Variants in NCAPH observed in about 807,000 individuals in gnomAD.
The protein encoded by NCAPH is non-SMC condensin I complex subunit H, also known as condensin complex subunit 2.
A neutral mutation model predicts 85.5 loss-of-function variants in NCAPH; 38 were observed. The observed-to-expected ratio is 0.44, with a 90% CI of 0.34 to 0.58. The LOEUF is 0.58. Among genes scored for constraint, NCAPH ranks in the 20% least tolerant of loss-of-function variants. NCAPH has a pLI of 0.01. For missense variants in NCAPH, 789 were observed against 916.6 expected (o/e 0.86, Z 1.80); for synonymous variants, 301 against 335.1 (o/e 0.90, Z 1.11).
intron 6 of NCAPH, among the ~76,000 whole-genome samples, chr2:96,344,471 T>C (rs1260333564): frequency 6.6e-6 from 1 of 152,232 alleles, no homozygotes; most frequent in Non-Finnish European, 1.5e-5. Flanking sequence ...ATCTAATTGA[T>C]AAAAAATTAA....
At chr2:96,361,773 TATATATATAC>T (rs2064617409) in intron 12 of NCAPH, among the ~76,000 whole-genome samples, 2 of 140,166 alleles carry the variant, frequency 1.4e-5, no homozygotes, top group Non-Finnish European at 3.1e-5. Flanking sequence ...TATATACATA[TATATATATAC>T]ACATATATAT....
Position 96,343,451 on chromosome 2 carries a change from C to T in NCAPH, c.595+147C>T, listed in dbSNP as rs117164497. The T allele has an allele frequency of 8.2e-3, 7,276 of 887,704 alleles. 75 individuals are homozygous for T. Among genetic ancestry groups the T allele is most frequent in the East Asian group, 0.049 (1,641 of 33,334 alleles). 55.0% of individuals were successfully genotyped at this position (887,704 alleles called of 1,614,324 possible). Reference sequence around the variant, plus strand: ...ATTTTTAGAACCATATATGGTCTTACGTGAGAAGATACTCAAACACTAAAA... The same window carrying T: ...ATTTTTAGAACCATATATGGTCTTATGTGAGAAGATACTCAAACACTAAAA... On this transcript the variant is annotated intron_variant, in intron 5 of 17. Coordinates refer to ENST00000240423, the MANE Select transcript of NCAPH (RefSeq NM_015341.5).
At position 96,364,564 on chromosome 2, in the gene NCAPH, C is replaced by A; in HGVS notation, c.1671C>A (p.Asp557Glu). 6.2e-7 allele frequency: 1 copy of A among 1,613,144 alleles called. No individual in the cohort carries two copies. The highest frequency in any genetic ancestry group is 8.5e-7 in the Non-Finnish European group (1 of 1,179,086). Residue 557 changes from aspartate (D) to glutamate (E), a missense_variant, in exon 13 of 18, where the codon GAC becomes GAA. Transcript: ENST00000240423. ...IEDYDYNNPNDTSNFCPGLQA... is the reference protein window; with the variant it reads ...IEDYDYNNPNETSNFCPGLQA... The stretch of plus-strand genomic sequence containing the variant: ...ACTATGATTACAACAACCCTAACGA[C>A]ACCTCCAACTTTTGCCCTGGATTAC...
Position 96,359,186 on chromosome 2 carries a change from A to G in NCAPH, c.1350A>G (p.Arg450=). 6.2e-7 allele frequency: 1 copy of G among 1,613,986 alleles called. No homozygotes were observed. The highest frequency in any genetic ancestry group is 1.1e-5 in the South Asian group (1 of 91,044). Residue 450 remains arginine, a synonymous_variant, in exon 10 of 18, where the codon CGA becomes CGG. Coordinates refer to ENST00000240423, the MANE Select transcript of NCAPH (RefSeq NM_015341.5). ...AGPDHWRFRP[R]RKQDAPSQSE... Reference sequence around the variant, plus strand: ...CGGATCACTGGCGCTTTAGGCCTCGACGCAAACGTATGTAATTCTAGGTGG... The same window carrying G: ...CGGATCACTGGCGCTTTAGGCCTCGGCGCAAACGTATGTAATTCTAGGTGG...
In NCAPH at chr2:96,339,578, A is replaced by C. The variant is rs564078469; in HGVS notation, c.20-2064A>C. 2.6e-3 allele frequency among the ~76,000 whole-genome samples: 392 copies of C among 151,112 alleles called. 1 individual carries two copies. The highest frequency in any genetic ancestry group is 4.4e-3 in the Non-Finnish European group (296 of 67,680). ...TGCACTCCAGCCTGGGGGACAAAGC[A>C]AGACTCTGTCTCAAAAAAAAAAAAA... On this transcript the variant is annotated intron_variant, in intron 1 of 17. Transcript: ENST00000240423.
intron 13 of NCAPH, among the ~76,000 whole-genome samples, chr2:96,364,921 C>T (rs370077979): frequency 6.6e-6 from 1 of 152,154 alleles, no homozygotes; most frequent in Non-Finnish European, 1.5e-5. Context: ...AATATAAACA[C>T]TTTGTCCTCT....
In NCAPH at chr2:96,343,250, G is replaced by C; in HGVS notation, c.541G>C (p.Gly181Arg). ...AVHADVYRVL[G>R]GLGKDAPSLE... Reference sequence around the variant, plus strand: ...CCATGCCGATGTATACAGAGTCCTTGGGGGGCTGGGCAAAGATGCACCGTC... The same window carrying C: ...CCATGCCGATGTATACAGAGTCCTTCGGGGGCTGGGCAAAGATGCACCGTC... The change falls in exon 5 of 18, where the codon GGG becomes CGG. Residue 181 changes from glycine to arginine, a missense_variant. Coordinates refer to ENST00000240423, the MANE Select transcript of NCAPH (RefSeq NM_015341.5). 1 of 1,613,798 alleles carries C rather than the reference G, an allele frequency of 6.2e-7. No individual in the cohort carries two copies. Among genetic ancestry groups the C allele is most frequent in the Non-Finnish European group, 8.5e-7 (1 of 1,179,798 alleles).
intron 1 of NCAPH, among the ~76,000 whole-genome samples, chr2:96,336,114 G>A (rs2064210480): frequency 6.6e-6 from 1 of 151,954 alleles, no homozygotes; most frequent in Non-Finnish European, 1.5e-5. Context: ...TCAGTTCCCG[G>A]GCGGGCGGTG....
At position 96,365,951 on chromosome 2, in the gene NCAPH, C is replaced by A; in HGVS notation, c.1774C>A (p.Pro592Thr). 1.2e-6 allele frequency: 2 copies of A among 1,614,182 alleles called. No individual in the cohort carries two copies. Among genetic ancestry groups the A allele is most frequent in the Non-Finnish European group, 1.7e-6 (2 of 1,180,030 alleles). The change falls in exon 14 of 18, where the codon CCT becomes ACT. Residue 592 changes from proline to threonine, a missense_variant. Physicochemically the swap from Pro to Thr is conservative, Grantham distance 38. Coordinates refer to ENST00000240423, the MANE Select transcript of NCAPH (RefSeq NM_015341.5). The stretch of plus-strand genomic sequence containing the variant: ...TGGGAACTCTGACCTCTCACCTTAT[C>A]CTTGCCATCCACCTAAGACAGCACA... Reference protein sequence around the residue: ...PVGNSDLSPYPCHPPKTAQQN... With the variant: ...PVGNSDLSPYTCHPPKTAQQN...
chr2:96,354,318 G>T lies in NCAPH; in HGVS notation c.1138G>T (p.Asp380Tyr). The T allele has an allele frequency of 6.2e-7, 1 of 1,614,000 alleles. No individual in the cohort carries two copies. The highest frequency in any genetic ancestry group is 2.2e-5 in the East Asian group (1 of 44,868). The change falls in exon 9 of 18, where the codon GAC becomes TAC. Residue 380 changes from aspartate to tyrosine, a missense_variant. Transcript: ENST00000240423. ...GDDFDANDEP[D>Y]HTAVGDHEEF... ...TGACTTTGATGCCAACGATGAACCTGACCACACCGCAGTTGGGGATCATGA... is the reference window on the plus strand; with the variant it reads ...TGACTTTGATGCCAACGATGAACCTTACCACACCGCAGTTGGGGATCATGA...
intron 5 of NCAPH, 76 bp downstream of exon 5, chr2:96,343,380 A>C (rs2064321590): frequency 6.8e-7 from 1 of 1,473,762 alleles, no homozygotes; most frequent in Admixed American, 2.4e-5. Flanking sequence ...ATATACTAGA[A>C]GAAGGTCACA....
At chr2:96,362,567 T>G (rs2064639493) in intron 12 of NCAPH, among the ~76,000 whole-genome samples, 1 of 145,428 alleles carries the variant, frequency 6.9e-6, no homozygotes, top group African/African-American at 2.5e-5. Context: ...GAGGTGGAGG[T>G]TGCAGTGAAC....
chr2:96,373,599 G>A lies in NCAPH; in HGVS notation c.*248G>A. On this transcript the variant is annotated 3_prime_UTR_variant, in exon 18 of 18. Coordinates refer to ENST00000240423, the MANE Select transcript of NCAPH (RefSeq NM_015341.5). ...CCATCTAGGAGAGGGGAGGGCAGAG[G>A]GGGTGAGGGTACTATTCTGGATTGA... The A allele has an allele frequency of 2.5e-6, 1 of 401,846 alleles. No individual in the cohort carries two copies. Among genetic ancestry groups the A allele is most frequent in the Non-Finnish European group, 4.5e-6 (1 of 223,104 alleles). 24.9% of individuals were successfully genotyped at this position (401,846 alleles called of 1,614,324 possible).
rs1366503664 is a variant in NCAPH at position 96,375,821 on chromosome 2, A to C, written c.*2470A>C. On this transcript the variant is annotated 3_prime_UTR_variant, in exon 18 of 18. Transcript: ENST00000240423. Reference sequence around the variant, plus strand: ...CTGCTGGAATCCAGCCATCACATCCATAGTCTAAGCAGCAGGACGAAGGAC... The same window carrying C: ...CTGCTGGAATCCAGCCATCACATCCCTAGTCTAAGCAGCAGGACGAAGGAC... 1.3e-5 allele frequency among the ~76,000 whole-genome samples: 2 copies of C among 152,096 alleles called. No homozygotes were observed. The highest frequency in any genetic ancestry group is 1.5e-5 in the Non-Finnish European group (1 of 68,020).
In NCAPH at chr2:96,354,209, TAAG is replaced by T; in HGVS notation, c.1035_1037del (p.Lys345del). ...CTGTGTCGGCCCTGGTAGACAAGTT[TAAG>T]AAGAATGACCAGGTATTTGACATCA... On this transcript the variant is annotated inframe_deletion, in exon 9 of 18. Transcript: ENST00000240423. 6.2e-7 allele frequency: 1 copy of T among 1,614,140 alleles called. No individual in the cohort carries two copies. The highest frequency in any genetic ancestry group is 8.5e-7 in the Non-Finnish European group (1 of 1,180,018).
intron 15 of NCAPH, among the ~76,000 whole-genome samples, chr2:96,368,530 A>G (rs772157): frequency 0.99 from 150,439 of 152,118 alleles, 74,398 homozygotes; most frequent in East Asian, 1. Flanking sequence ...GGTGGCGGGC[A>G]CCTGTAATCC....
chr2:96,357,118 A>C (rs1383464347), intron 9 of NCAPH, among the ~76,000 whole-genome samples: 1 of 152,242 alleles, frequency 6.6e-6, no homozygotes, highest in African/African-American at 2.4e-5. Context: ...AGCCCAGAAC[A>C]CAGCCTACTT....
Position 96,373,459 on chromosome 2 carries a change from C to T in NCAPH, c.*108C>T. ...CCATGGGCTTATACCCAGGCTGTAG[C>T]CAACTACCAACGTGCCTGTTTGTTT... On this transcript the variant is annotated 3_prime_UTR_variant, in exon 18 of 18. Coordinates refer to ENST00000240423, the MANE Select transcript of NCAPH (RefSeq NM_015341.5). 1 of 999,430 alleles carries T rather than the reference C, an allele frequency of 1.0e-6. No individual in the cohort carries two copies. Among genetic ancestry groups the T allele is most frequent in the Non-Finnish European group, 1.6e-6 (1 of 644,644 alleles). The allele number at this position is 999,430 out of a possible 1,614,324, so 61.9% of individuals were successfully genotyped here.
At chr2:96,338,127 T>A (rs2064240037) in intron 1 of NCAPH, among the ~76,000 whole-genome samples, 1 of 150,954 alleles carries the variant, frequency 6.6e-6, no homozygotes, top group African/African-American at 2.4e-5. Flanking sequence ...GGATTTTGCC[T>A]TGTTGGCCAG....
Sources: gnomAD v4.1 joint callset for allele counts (sites outside exome capture counted in the v4.1 genomes callset) on GRCh38, gnomAD v4.1.1 for gene constraint, MANE v1.5 for transcripts, NCBI Gene and HGNC (gene_info 2026-07-23, HGNC 2026-07-21) for gene names.